The following PER3 variants were observed in gnomAD, a reference collection of about 807,000 sequenced individuals.
PER3 encodes period circadian protein homolog 3.
Under a neutral mutation model 127.2 loss-of-function variants are expected in PER3, and 107 were observed. The ratio of observed to expected loss-of-function variants is 0.84; its 90% CI spans 0.72 to 0.99. The LOEUF (loss-of-function observed/expected upper bound fraction) is 0.99. Among genes scored for constraint, PER3 ranks in the 50% least tolerant of loss-of-function variants. PER3 has a pLI of 0.00. For synonymous variants in PER3, 618 were observed against 585.8 expected (o/e 1.05, Z -0.79); for missense variants, 1,560 against 1,525.8 (o/e 1.02, Z -0.37).
chr1:7,843,831 T>G lies in PER3; in HGVS notation c.*1076T>G. 1 of 974,000 alleles carries G rather than the reference T, an allele frequency of 1.0e-6. No homozygotes were observed. Among genetic ancestry groups the G allele is most frequent in the South Asian group, 1.9e-5 (1 of 53,668 alleles). The allele number at this position is 974,000 out of a possible 1,614,324, so 60.3% of individuals were successfully genotyped here. A position where few individuals can be genotyped will look rare whatever the true frequency, so the allele number is the denominator to read the frequency against. ...TCACCGCTTTCTATGGCGTTTGTAG[T>G]TGTGTCTTTTAAGAAGTGAGTGTGA... On this transcript the variant is annotated 3_prime_UTR_variant, in exon 22 of 22. Transcript: ENST00000377532.
chr1:7,836,480 A>G (rs1010568759), intron 20 of PER3, among the ~76,000 whole-genome samples: 1 of 152,164 alleles, frequency 6.6e-6, no homozygotes, highest in South Asian at 2.1e-4. Flanking sequence ...CACCCGGCCT[A>G]TGGTTTCTTA....
chr1:7,831,983 G>T (rs577414141), intron 19 of PER3, among the ~76,000 whole-genome samples: 2 of 152,036 alleles, frequency 1.3e-5, no homozygotes, highest in African/African-American at 2.4e-5. Flanking sequence ...TGTAAGTTTG[G>T]TAGACTTTAC....
At chr1:7,797,049 C>T (rs560653164) in intron 6 of PER3, among the ~76,000 whole-genome samples, 1 of 152,224 alleles carries the variant, frequency 6.6e-6, no homozygotes, top group East Asian at 1.9e-4. Flanking sequence ...CAAGTTGAGA[C>T]TCTATGAGAG....
intron 16 of PER3, among the ~76,000 whole-genome samples, chr1:7,823,441 G>A (rs1331626296): frequency 6.6e-6 from 1 of 152,172 alleles, no homozygotes; most frequent in Non-Finnish European, 1.5e-5. Flanking sequence ...TCAGGAGTTT[G>A]AGACCAGCCT....
chr1:7,793,234 A>G (rs945189468), intron 5 of PER3, among the ~76,000 whole-genome samples: 6 of 152,248 alleles, frequency 3.9e-5, no homozygotes, highest in South Asian at 2.1e-4. Flanking sequence ...CAGAGGAAAT[A>G]CATATAGTCA....
Position 7,830,171 on chromosome 1 carries a change from C to G in PER3, c.3214+10C>G. Reference sequence around the variant, plus strand: ...GGTTCAGCAGCATCAGGTAGTGGATCAGGACAACTAATGTTTCAAACTCCA... The same window carrying G: ...GGTTCAGCAGCATCAGGTAGTGGATGAGGACAACTAATGTTTCAAACTCCA... On this transcript the variant is annotated intron_variant, in intron 19 of 21. Transcript: ENST00000377532. The G allele has an allele frequency of 6.2e-7, 1 of 1,608,210 alleles. No individual in the cohort carries two copies. The highest frequency in any genetic ancestry group is 8.5e-7 in the Non-Finnish European group (1 of 1,175,184).
intron 4 of PER3, chr1:7,787,291 CT>C: frequency 3.8e-6 from 1 of 262,462 alleles, no homozygotes; most frequent in Non-Finnish European, 5.0e-6. Context: ...TGGAAGAGAC[CT>C]TTAGTATATC....
At chr1:7,791,333 G>T (rs2097119973) in intron 5 of PER3, among the ~76,000 whole-genome samples, 1 of 152,204 alleles carries the variant, frequency 6.6e-6, no homozygotes, top group Non-Finnish European at 1.5e-5. Flanking sequence ...CAAGGAATAG[G>T]GCTTGCACCC....
At chr1:7,793,596 A>G (rs1285822412) in intron 5 of PER3, among the ~76,000 whole-genome samples, 1 of 152,228 alleles carries the variant, frequency 6.6e-6, no homozygotes, top group Non-Finnish European at 1.5e-5. Context: ...AAAGGTCCAG[A>G]CTATTACAAT....
Position 7,844,135 on chromosome 1 carries a change from G to T in PER3, c.*1380G>T. 2 of 261,794 alleles carry T rather than the reference G, an allele frequency of 7.6e-6. No individual in the cohort carries two copies. The highest frequency in any genetic ancestry group is 5.9e-5 in the South Asian group (1 of 16,864). 16.2% of individuals were successfully genotyped at this position (261,794 alleles called of 1,614,324 possible). On this transcript the variant is annotated 3_prime_UTR_variant, in exon 22 of 22. Transcript: ENST00000377532. Reference sequence around the variant, plus strand: ...CTTTTTGTAAATGCGTCCTGATAATGATTAGGAAAATCGACCTTTTCATCC... The same window carrying T: ...CTTTTTGTAAATGCGTCCTGATAATTATTAGGAAAATCGACCTTTTCATCC...
At chr1:7,810,048 T>C (rs772046101) in intron 12 of PER3, 27 bp downstream of exon 12, 8 of 1,601,048 alleles carry the variant, frequency 5.0e-6, no homozygotes, top group East Asian at 4.5e-5. Flanking sequence ...CACATTCTTA[T>C]ACAGGCATCG....
intron 19 of PER3, among the ~76,000 whole-genome samples, chr1:7,832,015 G>A (rs1218780018): frequency 6.6e-6 from 1 of 151,952 alleles, no homozygotes; most frequent in Admixed American, 6.6e-5. Context: ...TCTGGGCCTG[G>A]AGTTTTCTTG....
In PER3 at chr1:7,784,938, G is replaced by C; in HGVS notation, c.61G>C (p.Glu21Gln). The C allele has an allele frequency of 6.5e-7, 1 of 1,540,462 alleles. No homozygotes were observed. The highest frequency in any genetic ancestry group is 8.7e-7 in the Non-Finnish European group (1 of 1,155,324). Residue 21 changes from glutamate to glutamine, a missense_variant, in exon 2 of 22, where the codon GAA becomes CAA. By Grantham distance (29) the Glu-to-Gln change is conservative (BLOSUM62 2). Around this residue, in one of 3 missense-constraint regions of PER3, gnomAD observed 1,332 missense variants for 1,223.6 expected, o/e 1.09. Coordinates refer to ENST00000377532, the MANE Select transcript of PER3 (RefSeq NM_001377275.1). The stretch of plus-strand genomic sequence containing the variant: ...GGGGGCTAAGGACGAGGCCCTGGGC[G>C]AAGAATCGGGGGAGCGGTGGAGCCC... ...RRGAKDEALG[E>Q]ESGERWSPEF... is the part of the protein sequence containing the mutation.
At chr1:7,840,903 C>T (rs2097383766) in intron 21 of PER3, among the ~76,000 whole-genome samples, 1 of 152,202 alleles carries the variant, frequency 6.6e-6, no homozygotes, top group South Asian at 2.1e-4. Context: ...CCACTGTGCC[C>T]TACCAGTTCT....
chr1:7,819,905 C>A (rs567934703), intron 14 of PER3, among the ~76,000 whole-genome samples: 9 of 151,708 alleles, frequency 5.9e-5, no homozygotes, highest in Admixed American at 2.0e-4. Context: ...AGATTGGACA[C>A]CCATGGTATA....
rs2097308330 is a variant in PER3 at position 7,827,569 on chromosome 1, G to C, written c.2640G>C (p.Gly880=). The change falls in exon 18 of 22, where the codon GGG becomes GGC. Residue 880 remains glycine (G), a synonymous_variant. Transcript: ENST00000377532. The stretch of plus-strand genomic sequence containing the variant: ...CGTTTTTGCCATGTCCATTCCTGGG[G>C]GCGACAGCCTCTTCTGCGATATCAC... ...SPSFLPCPFL[G]ATASSAISPS... is the part of the protein sequence containing the mutation. 1 of 1,614,172 alleles carries C rather than the reference G, an allele frequency of 6.2e-7. No individual in the cohort carries two copies. The highest frequency in any genetic ancestry group is 8.5e-7 in the Non-Finnish European group (1 of 1,180,026).
intron 5 of PER3, among the ~76,000 whole-genome samples, chr1:7,789,312 GGGA>G (rs2150471381): frequency 6.6e-6 from 1 of 152,198 alleles, no homozygotes; most frequent in African/African-American, 2.4e-5. Context: ...CATGTGTCGT[GGGA>G]GGAACCCAGT....
intron 8 of PER3, 117 bp from the exon 9 acceptor site, chr1:7,802,930 G>A (rs2097176639): frequency 2.8e-6 from 2 of 717,610 alleles, no homozygotes; most frequent in Non-Finnish European, 5.1e-6. Context: ...TAAATGCTAA[G>A]ATAAACAGCT....
intron 13 of PER3, 47 bp downstream of exon 13, chr1:7,810,635 T>A (rs748351444): frequency 1.9e-6 from 3 of 1,560,330 alleles, no homozygotes; most frequent in Non-Finnish European, 2.6e-6. Context: ...GGGCTGTCAC[T>A]CTCTGCATAG....
Sources: gnomAD v4.1 joint callset for allele counts (sites outside exome capture counted in the v4.1 genomes callset) on GRCh38, gnomAD v4.1.1 for gene constraint, gnomAD v4.1.1 regional missense constraint, MANE v1.5 for transcripts, NCBI Gene and HGNC (gene_info 2026-07-23, HGNC 2026-07-21) for gene names.